The following SCFD2 variants were observed in gnomAD, a reference collection of about 807,000 sequenced individuals.
SCFD2 encodes the protein sec1 family domain containing 2.
SCFD2 carries 54 observed loss-of-function variants against 58.9 expected under a neutral mutation model. The ratio of observed to expected loss-of-function variants is 0.92; its 90% CI spans 0.74 to 1.15. The LOEUF is 1.15. SCFD2 is among the 50% of genes most tolerant of loss of function. SCFD2 has a pLI of 0.00. For synonymous variants in SCFD2, 321 were observed against 335.9 expected (o/e 0.96, Z 0.49); for missense variants, 805 against 836.6 (o/e 0.96, Z 0.47).
Position 53,016,694 on chromosome 4 carries a change from C to T in SCFD2, c.1562-95824G>A, listed in dbSNP as rs1199668729. Among the ~76,000 whole-genome samples, 3 of 152,144 alleles carry T rather than the reference C, an allele frequency of 2.0e-5. No homozygotes were observed. The East Asian group carries it at 5.8e-4, about 29-fold the overall frequency. On this transcript the variant is annotated intron_variant, in intron 5 of 8. Coordinates refer to ENST00000401642, the MANE Select transcript of SCFD2 (RefSeq NM_152540.4). Reference sequence around the variant, plus strand: ...GACAGGTGAAAGAAAATTTATACTTCTCACTGTTTAGAACATTTAGTTTTA... The same window carrying T: ...GACAGGTGAAAGAAAATTTATACTTTTCACTGTTTAGAACATTTAGTTTTA...
intron 2 of SCFD2, among the ~76,000 whole-genome samples, chr4:53,339,025 G>C (rs922020999): frequency 2.6e-5 from 4 of 151,856 alleles, no homozygotes; most frequent in Non-Finnish European, 5.9e-5. Flanking sequence ...ATAGCTAAAG[G>C]AATTTCTCTA....
rs1452185825 is a variant in SCFD2, at chr4:53,207,497, ATATATATAT to A, written c.1312-61924_1312-61916del. Among the ~76,000 whole-genome samples, 6 of 45,678 alleles carry A rather than the reference ATATATATAT, an allele frequency of 1.3e-4. 1 individual carries two copies. The highest frequency in any genetic ancestry group is 4.1e-4 in the African/African-American group (4 of 9,674). The allele number at this position is 45,678 out of a possible 152,430, so 30.0% of individuals were successfully genotyped here. A position where few individuals can be genotyped will look rare whatever the true frequency, so the allele number is the denominator to read the frequency against. ...GAAATATATTATATATATATTTCAT[ATATATATAT>A]TATATATATTATATATATAATATTT... On this transcript the variant is annotated intron_variant, in intron 4 of 8. Coordinates refer to ENST00000401642, the MANE Select transcript of SCFD2 (RefSeq NM_152540.4).
intron 4 of SCFD2, among the ~76,000 whole-genome samples, chr4:53,155,389 G>A (rs1454027488): frequency 6.6e-6 from 1 of 152,100 alleles, no homozygotes; most frequent in Admixed American, 6.5e-5. Flanking sequence ...CCACCTTTCT[G>A]TAAGGGATAA....
intron 1 of SCFD2, 134 bp from the exon 2 acceptor site, chr4:53,352,900 C>G: frequency 1.3e-6 from 1 of 743,020 alleles, no homozygotes; most frequent in Non-Finnish European, 2.2e-6. Context: ...TCACATTTTG[C>G]CCTTCATACA....
intron 5 of SCFD2, among the ~76,000 whole-genome samples, chr4:52,921,886 T>A (rs1383785042): frequency 6.6e-6 from 1 of 152,116 alleles, no homozygotes; most frequent in East Asian, 1.9e-4. Flanking sequence ...AGGCTGGGAG[T>A]GCTGGGGAGT....
Position 53,273,967 on chromosome 4 carries a change from A to C in SCFD2, c.1170T>G (p.Ile390Met). 2 of 1,613,344 alleles carry C rather than the reference A, an allele frequency of 1.2e-6. No individual in the cohort carries two copies. Among genetic ancestry groups the C allele is most frequent in the Non-Finnish European group, 1.7e-6 (2 of 1,179,660 alleles). ...RVTPGQLMSY[I>M]QLFKNNLKAL... ...CTTTGAGGTTGTTCTTGAAGAGCTG[A>C]ATATAGGACATGAGCTGTCCCGGTG... The change falls in exon 4 of 9, where the codon ATT becomes ATG. Residue 390 changes from isoleucine (I) to methionine (M), a missense_variant. By Grantham distance (10) the Ile-to-Met change is conservative. Around this residue, in one of 3 missense-constraint regions of SCFD2, gnomAD observed 633 missense variants for 646.8 expected, o/e 0.98. Coordinates refer to ENST00000401642, the MANE Select transcript of SCFD2 (RefSeq NM_152540.4).
At chr4:53,343,311 A>G (rs899075062) in intron 2 of SCFD2, among the ~76,000 whole-genome samples, 35 of 152,326 alleles carry the variant, frequency 2.3e-4, no homozygotes, top group African/African-American at 7.5e-4. Flanking sequence ...ACCATCAGAG[A>G]ATACTATAAA....
At chr4:53,294,821 T>C (rs931927474) in intron 3 of SCFD2, among the ~76,000 whole-genome samples, 13 of 152,046 alleles carry the variant, frequency 8.6e-5, no homozygotes, top group African/African-American at 2.7e-4. Context: ...TTTGTGTAGG[T>C]GTAAGGAAGG....
chr4:53,326,977 T>G (rs1733218325), intron 2 of SCFD2, among the ~76,000 whole-genome samples: 2 of 146,820 alleles, frequency 1.4e-5, no homozygotes. Context: ...CCAAGCAAAA[T>G]CTGTCTTTAT....
At chr4:53,202,240 A>T (rs1277027059) in intron 4 of SCFD2, among the ~76,000 whole-genome samples, 1 of 152,210 alleles carries the variant, frequency 6.6e-6, no homozygotes, top group Non-Finnish European at 1.5e-5. Flanking sequence ...AGCTCTCTAC[A>T]TATGGCCAGC....
chr4:53,262,613 G>T (rs1730862356), intron 4 of SCFD2, among the ~76,000 whole-genome samples: 2 of 152,228 alleles, frequency 1.3e-5, no homozygotes, highest in African/African-American at 4.8e-5. Flanking sequence ...TTTCTGCTGA[G>T]AAATCTGCTG....
At chr4:53,189,339 T>C (rs746438955) in intron 4 of SCFD2, among the ~76,000 whole-genome samples, 58 of 152,226 alleles carry the variant, frequency 3.8e-4, no homozygotes, top group Non-Finnish European at 7.8e-4. Flanking sequence ...ATTTAGATTC[T>C]GTCACATGAG....
At chr4:53,102,344 G>A (rs940680380) in intron 5 of SCFD2, among the ~76,000 whole-genome samples, 2 of 152,026 alleles carry the variant, frequency 1.3e-5, no homozygotes, top group Admixed American at 1.3e-4. Context: ...TCTATAATCT[G>A]AGGGTAGAAA....
intron 2 of SCFD2, among the ~76,000 whole-genome samples, chr4:53,330,407 C>T (rs184220792): frequency 7.9e-5 from 12 of 152,202 alleles, no homozygotes; most frequent in Non-Finnish European, 1.0e-4. Context: ...TCAGCAGAAA[C>T]CCTACAAGCC....
chr4:53,089,096 T>C (rs375118010), intron 5 of SCFD2, among the ~76,000 whole-genome samples: 2 of 152,158 alleles, frequency 1.3e-5, no homozygotes, highest in African/African-American at 4.8e-5. Flanking sequence ...GGCACTTTGA[T>C]ATAGGAATTC....
chr4:53,179,130 A>G (rs1382126246), intron 4 of SCFD2, among the ~76,000 whole-genome samples: 1 of 152,192 alleles, frequency 6.6e-6, no homozygotes, highest in Non-Finnish European at 1.5e-5. Flanking sequence ...CCAACATTCA[A>G]ATTCAGGAAA....
At chr4:52,992,745 G>T (rs930347290) in intron 5 of SCFD2, among the ~76,000 whole-genome samples, 1 of 151,848 alleles carries the variant, frequency 6.6e-6, no homozygotes, top group Non-Finnish European at 1.5e-5. Flanking sequence ...GAGCCCCTCC[G>T]CCCGGCAGCC....
At chr4:53,332,489 A>G (rs1408610673) in intron 2 of SCFD2, among the ~76,000 whole-genome samples, 8 of 152,322 alleles carry the variant, frequency 5.3e-5, no homozygotes, top group South Asian at 2.1e-4. Context: ...AGAACCAAAG[A>G]AAAAAACCAC....
At chr4:53,256,074 A>C (rs1444291230) in intron 4 of SCFD2, among the ~76,000 whole-genome samples, 1 of 130,498 alleles carries the variant, frequency 7.7e-6, no homozygotes, top group African/African-American at 3.0e-5. Context: ...GCTGACCCCC[A>C]CCTCCCTCCC....
Sources: gnomAD v4.1 joint callset for allele counts (sites outside exome capture counted in the v4.1 genomes callset) on GRCh38, gnomAD v4.1.1 for gene constraint, gnomAD v4.1.1 regional missense constraint, MANE v1.5 for transcripts, NCBI Gene and HGNC (gene_info 2026-07-23, HGNC 2026-07-21) for gene names.